The following CDH18 variants were observed in gnomAD, a reference collection of about 807,000 sequenced individuals.
The protein encoded by CDH18 is cadherin-18.
In CDH18, 31 loss-of-function variants were observed where a neutral mutation model predicts 67.9. The ratio of observed to expected loss-of-function variants is 0.46; its 90% CI spans 0.34 to 0.62. CDH18 has a LOEUF of 0.62. CDH18 is among the 20% of genes least tolerant of loss of function. CDH18 has a pLI of 0.01. For missense variants in CDH18, 890 were observed against 975.5 expected (o/e 0.91, Z 1.17); for synonymous variants, 362 against 347.2 (o/e 1.04, Z -0.48).
chr5:19,489,680 A>T (rs764720208), intron 11 of CDH18, among the ~76,000 whole-genome samples: 8 of 152,218 alleles, frequency 5.3e-5, no homozygotes, highest in Non-Finnish European at 1.0e-4. Context: ...TATTACCAAG[A>T]TTTTTAAAAA....
At chr5:20,033,078 C>T (rs922337838) in intron 2 of CDH18, among the ~76,000 whole-genome samples, 1 of 151,884 alleles carries the variant, frequency 6.6e-6, no homozygotes, top group Non-Finnish European at 1.5e-5. Flanking sequence ...GAAAACAAAC[C>T]TATGACCTCT....
intron 1 of CDH18, among the ~76,000 whole-genome samples, chr5:20,436,040 A>G (rs1237462702): frequency 6.6e-6 from 1 of 152,058 alleles, no homozygotes; most frequent in East Asian, 1.9e-4. Context: ...GAGCACACTG[A>G]GATTTTAAAT....
chr5:19,549,096 T>A (rs1736876131), intron 8 of CDH18, among the ~76,000 whole-genome samples: 1 of 152,108 alleles, frequency 6.6e-6, no homozygotes, highest in African/African-American at 2.4e-5. Context: ...GATAATACTG[T>A]TTGAATGTTT....
At chr5:20,555,408 C>CTTTTTTTTT (rs774396694) in intron 1 of CDH18, among the ~76,000 whole-genome samples, 88 of 103,638 alleles carry the variant, frequency 8.5e-4, no homozygotes, top group African/African-American at 1.4e-3. Context: ...ACAAGCTTTT[C>CTTTTTTTTT]TTTTTTTTTT....
At position 20,117,096 on chromosome 5, in the gene CDH18, T is replaced by G. The variant is rs181704580; in HGVS notation, c.-517-125082A>C. 4.1e-3 allele frequency among the ~76,000 whole-genome samples: 622 copies of G among 152,184 alleles called. 7 individuals carry two copies. The highest frequency in any genetic ancestry group is 5.2e-3 in the Non-Finnish European group (355 of 68,006). On this transcript the variant is annotated intron_variant, in intron 2 of 14. Transcript: ENST00000507958. The stretch of plus-strand genomic sequence containing the variant: ...TTAGCATGGTACCATTGAAGAGAAT[T>G]TGATTTTCCTTCAACTTTATCAGTT...
intron 2 of CDH18, among the ~76,000 whole-genome samples, chr5:20,172,211 T>TATATATATAC (rs1736817473): frequency 1.9e-5 from 1 of 53,702 alleles, no homozygotes; most frequent in Non-Finnish European, 3.5e-5. Flanking sequence ...TATATATATA[T>TATATATATAC]ATATATATAT....
chr5:20,424,985 G>A (rs1369948023), intron 1 of CDH18, among the ~76,000 whole-genome samples: 2 of 150,576 alleles, frequency 1.3e-5, no homozygotes, highest in Non-Finnish European at 2.9e-5. Context: ...ACCAGAAAAT[G>A]ACATATTTTG....
At chr5:19,881,359 C>T (rs1471065376) in intron 2 of CDH18, among the ~76,000 whole-genome samples, 1 of 151,996 alleles carries the variant, frequency 6.6e-6, no homozygotes, top group East Asian at 1.9e-4. Context: ...AAGACAAATG[C>T]AAATGGTTCA....
chr5:20,328,832 A>T (rs1204765258), intron 1 of CDH18, among the ~76,000 whole-genome samples: 1 of 152,174 alleles, frequency 6.6e-6, no homozygotes. Flanking sequence ...AACAAAAATT[A>T]GTGTGGCACA....
chr5:19,843,875 T>C (rs1286191072), intron 2 of CDH18, among the ~76,000 whole-genome samples: 1 of 152,236 alleles, frequency 6.6e-6, no homozygotes, highest in East Asian at 1.9e-4. Context: ...CCGCTAGATT[T>C]TGGACCTGCA....
At chr5:20,509,305 C>T (rs1754868570) in intron 1 of CDH18, among the ~76,000 whole-genome samples, 1 of 151,946 alleles carries the variant, frequency 6.6e-6, no homozygotes, top group South Asian at 2.1e-4. Context: ...TTAGATACTA[C>T]ATATAAGTGA....
At chr5:20,402,340 C>G (rs1454704456) in intron 1 of CDH18, among the ~76,000 whole-genome samples, 3 of 152,182 alleles carry the variant, frequency 2.0e-5, no homozygotes, top group Non-Finnish European at 2.9e-5. Flanking sequence ...CTTCATCATG[C>G]CTGACTTTGG....
At chr5:20,324,877 C>T (rs1210300010) in intron 1 of CDH18, among the ~76,000 whole-genome samples, 1 of 152,164 alleles carries the variant, frequency 6.6e-6, no homozygotes, top group Admixed American at 6.5e-5. Flanking sequence ...TGTGTGTATA[C>T]ACCTTTAAAT....
chr5:19,604,792 A>C (rs1015505128), intron 6 of CDH18, among the ~76,000 whole-genome samples: 5 of 152,008 alleles, frequency 3.3e-5, no homozygotes, highest in Non-Finnish European at 7.4e-5. Context: ...AACCCAATAC[A>C]TTCTGTTTCT....
intron 1 of CDH18, among the ~76,000 whole-genome samples, chr5:20,392,042 C>G (rs995697288): frequency 1.5e-4 from 23 of 151,714 alleles, no homozygotes; most frequent in Non-Finnish European, 3.4e-4. Flanking sequence ...ATTGCAATGG[C>G]AAAATTTATT....
chr5:19,554,322 A>T (rs1689685), intron 8 of CDH18, among the ~76,000 whole-genome samples: 8,597 of 152,252 alleles, frequency 0.056, 263 homozygotes, highest in African/African-American at 0.076. Context: ...GAAATGCTAC[A>T]AAACCTTATT....
intron 2 of CDH18, among the ~76,000 whole-genome samples, chr5:20,215,643 C>A (rs1173469116): frequency 6.7e-6 from 1 of 148,362 alleles, no homozygotes; most frequent in Non-Finnish European, 1.5e-5. Context: ...TTTGGGAATA[C>A]AAATCATTGT....
intron 5 of CDH18, among the ~76,000 whole-genome samples, chr5:19,692,805 T>C (rs1762067713): frequency 6.6e-6 from 1 of 151,802 alleles, no homozygotes; most frequent in African/African-American, 2.4e-5. Context: ...GTAGATTCAT[T>C]ATGTACAACA....
At chr5:20,103,645 A>T (rs1746669650) in intron 2 of CDH18, among the ~76,000 whole-genome samples, 1 of 151,620 alleles carries the variant, frequency 6.6e-6, no homozygotes, top group African/African-American at 2.4e-5. Context: ...AGGCAGGAGA[A>T]TCACTTGAAC....
Sources: allele counts gnomAD v4.1 joint callset (sites outside exome capture counted in the v4.1 genomes callset), GRCh38; gene constraint gnomAD v4.1.1; transcripts MANE v1.5; gene names NCBI Gene and HGNC (gene_info 2026-07-23, HGNC 2026-07-21).